Variants in SNTG1 observed in about 807,000 individuals in gnomAD.
SNTG1 encodes the protein gamma-1-syntrophin.
SNTG1 carries 39 observed loss-of-function variants against 74.7 expected under a neutral mutation model. The observed-to-expected ratio is 0.52, with a 90% CI of 0.40 to 0.68. SNTG1 has a LOEUF of 0.68. Among genes scored for constraint, SNTG1 ranks in the 30% least tolerant of loss-of-function variants. The pLI is 0.00. For synonymous variants in SNTG1, 254 were observed against 217.1 expected (o/e 1.17, Z -1.49); for missense variants, 685 against 609.5 (o/e 1.12, Z -1.30).
chr8:50,661,289 T>C (rs917162219), intron 15 of SNTG1, among the ~76,000 whole-genome samples: 1 of 152,194 alleles, frequency 6.6e-6, no homozygotes, highest in Non-Finnish European at 1.5e-5. Flanking sequence ...GCTCAGACTT[T>C]TATGCAAATT....
At chr8:50,594,483 G>A (rs556018929) in intron 13 of SNTG1, among the ~76,000 whole-genome samples, 71 of 150,568 alleles carry the variant, frequency 4.7e-4, no homozygotes, top group African/African-American at 1.7e-3. Flanking sequence ...AATTAATAAG[G>A]TTATACTTAT....
At chr8:50,256,633 A>G (rs1479361678) in intron 2 of SNTG1, among the ~76,000 whole-genome samples, 1 of 152,120 alleles carries the variant, frequency 6.6e-6, no homozygotes, top group Non-Finnish European at 1.5e-5. Flanking sequence ...AACATGTTTA[A>G]TAAATATTTT....
chr8:50,727,444 C>A lies in SNTG1; in HGVS notation c.1284+18466C>A, dbSNP rs1312215270. Among the ~76,000 whole-genome samples, 8 of 152,158 alleles carry A rather than the reference C, an allele frequency of 5.3e-5. No individual in the cohort carries two copies. In the East Asian group the frequency reaches 1.5e-3, roughly 29 times the overall value. On this transcript the variant is annotated intron_variant, in intron 17 of 18. Transcript: ENST00000642720. ...GCTGGGAGTCCAGCAGCCCTCCCAA[C>A]AGATGTGAGCAGAGAACCACAATAT...
At chr8:50,222,914 C>T (rs961337094) in intron 2 of SNTG1, among the ~76,000 whole-genome samples, 1 of 152,028 alleles carries the variant, frequency 6.6e-6, no homozygotes, top group Non-Finnish European at 1.5e-5. Context: ...CACTCTTCAA[C>T]CCACAATAAA....
At chr8:49,976,800 T>G (rs1812234318) in intron 1 of SNTG1, among the ~76,000 whole-genome samples, 1 of 152,154 alleles carries the variant, frequency 6.6e-6, no homozygotes, top group South Asian at 2.1e-4. Flanking sequence ...AAATTTTGCT[T>G]AAATTCTGGG....
intron 1 of SNTG1, among the ~76,000 whole-genome samples, chr8:49,927,048 T>C (rs1033171829): frequency 2.0e-5 from 3 of 152,048 alleles, no homozygotes; most frequent in Non-Finnish European, 4.4e-5. Context: ...GAGATGCCAC[T>C]GCACAACAAA....
At chr8:50,048,529 C>CTTTGA (rs1819293612) in intron 1 of SNTG1, among the ~76,000 whole-genome samples, 1 of 152,052 alleles carries the variant, frequency 6.6e-6, no homozygotes, top group African/African-American at 2.4e-5. Context: ...AACTTAAATA[C>CTTTGA]TTTGATTTTT....
intron 8 of SNTG1, among the ~76,000 whole-genome samples, chr8:50,499,451 A>AT (rs2093932135): frequency 6.7e-6 from 1 of 149,764 alleles, no homozygotes; most frequent in African/African-American, 2.4e-5. Flanking sequence ...ATTCTAGTGC[A>AT]CTTTTTGTAA....
chr8:50,552,984 C>CAA, intron 11 of SNTG1, 66 bp from the exon 12 acceptor site: 1 of 1,580,374 alleles, frequency 6.3e-7, no homozygotes, highest in Non-Finnish European at 8.6e-7. Context: ...TCAACAGATA[C>CAA]TATTACGAGC....
chr8:50,590,871 C>T lies in SNTG1; in HGVS notation c.811-8C>T. 1 of 1,535,216 alleles carries T rather than the reference C, an allele frequency of 6.5e-7. No homozygotes were observed. The highest frequency in any genetic ancestry group is 1.4e-5 in the African/African-American group (1 of 72,318). The stretch of plus-strand genomic sequence containing the variant: ...CTTCTCACTTTTATTATTTATTTAT[C>T]ATTGCAGATTAAAAAAATCAACAGA... On this transcript the variant is annotated splice_polypyrimidine_tract_variant and splice_region_variant and intron_variant, in intron 12 of 18. Transcript: ENST00000642720.
rs1196674029 is a variant in SNTG1, at chr8:50,108,307, G to A, written c.-102-64254G>A. 2.0e-5 allele frequency among the ~76,000 whole-genome samples: 3 copies of A among 152,144 alleles called. No homozygotes were observed. The East Asian group carries it at 5.8e-4, about 29-fold the overall frequency. ...GCTGAGTAAAATCAAGTTGCTGTTA[G>A]GGGAATGAAGAGATATTACAAAGTA... On this transcript the variant is annotated intron_variant, in intron 1 of 18. Coordinates refer to ENST00000642720, the MANE Select transcript of SNTG1 (RefSeq NM_018967.5).
At chr8:50,084,477 A>T (rs569375197) in intron 1 of SNTG1, among the ~76,000 whole-genome samples, 9 of 152,230 alleles carry the variant, frequency 5.9e-5, no homozygotes, top group East Asian at 1.9e-4. Flanking sequence ...TAAAATAAAA[A>T]AAAGTAGACT....
At chr8:50,146,537 CA>C (rs2081873518) in intron 1 of SNTG1, among the ~76,000 whole-genome samples, 1 of 150,398 alleles carries the variant, frequency 6.6e-6, no homozygotes, top group African/African-American at 2.5e-5. Context: ...AACAAAAACA[CA>C]AAAACAAACA....
At chr8:50,752,181 A>G (rs2095569212) in intron 18 of SNTG1, 70 bp downstream of exon 18, 3 of 791,986 alleles carry the variant, frequency 3.8e-6, no homozygotes, top group Non-Finnish European at 5.6e-6. Context: ...AAGAGGGGAA[A>G]CTTTCGGGGA....
intron 17 of SNTG1, among the ~76,000 whole-genome samples, chr8:50,712,595 G>A (rs570552780): frequency 5.3e-5 from 8 of 151,998 alleles, no homozygotes; most frequent in South Asian, 2.1e-4. Flanking sequence ...CCATCAACCC[G>A]TCATCTAGGT....
At chr8:50,459,919 G>T (rs78928580) in intron 8 of SNTG1, among the ~76,000 whole-genome samples, 14,008 of 152,160 alleles carry the variant, frequency 0.092, 1,528 homozygotes, top group African/African-American at 0.26. Flanking sequence ...CCTTGGTGGG[G>T]ACTTAGGTTG....
At chr8:50,134,332 T>A (rs929296261) in intron 1 of SNTG1, among the ~76,000 whole-genome samples, 39 of 152,276 alleles carry the variant, frequency 2.6e-4, no homozygotes, top group African/African-American at 9.1e-4. Flanking sequence ...AAGCTGGAGA[T>A]CGCCAATGCC....
intron 2 of SNTG1, among the ~76,000 whole-genome samples, chr8:50,246,113 G>C (rs1284096660): frequency 6.7e-6 from 1 of 150,228 alleles, no homozygotes. Flanking sequence ...ATACAGACCT[G>C]ATACTAGATG....
chr8:50,484,713 G>A (rs2093775102), intron 8 of SNTG1, among the ~76,000 whole-genome samples: 1 of 151,578 alleles, frequency 6.6e-6, no homozygotes, highest in Non-Finnish European at 1.5e-5. Flanking sequence ...TACAAAATTA[G>A]CCACACGTGA....
Sources: gnomAD v4.1 joint callset for allele counts (sites outside exome capture counted in the v4.1 genomes callset) on GRCh38, gnomAD v4.1.1 for gene constraint, MANE v1.5 for transcripts, NCBI Gene and HGNC (gene_info 2026-07-23, HGNC 2026-07-21) for gene names.